SMC5: variants seen among roughly 807,000 people sequenced by gnomAD.
The protein encoded by SMC5 is structural maintenance of chromosomes protein 5.
A neutral mutation model predicts 148.3 loss-of-function variants in SMC5; 88 were observed. The ratio of observed to expected loss-of-function variants is 0.59; its 90% CI spans 0.50 to 0.71. The LOEUF (loss-of-function observed/expected upper bound fraction) is 0.71, where lower values mean the gene tolerates loss of function less well. Ranked by LOEUF, SMC5 falls within the 30% of genes least tolerant of loss-of-function variation. The pLI is 0.00. For synonymous variants in SMC5, 421 were observed against 432.8 expected, an observed-to-expected ratio of 0.97 and a Z score of 0.34; for missense variants, 1,142 against 1,298.9, an observed-to-expected ratio of 0.88 and a Z score of 1.86.
intron 15 of SMC5, among the ~76,000 whole-genome samples, chr9:70,320,086 T>A (rs985161675): frequency 5.3e-5 from 8 of 152,366 alleles, no homozygotes; most frequent in African/African-American, 1.2e-4. Context: ...GTCATTTTTT[T>A]AAATAAAAAT....
At position 70,314,808 on chromosome 9, in the gene SMC5, G is replaced by C. The variant is rs137909778; in HGVS notation, c.1645G>C (p.Ala549Pro). 1 of 1,568,018 alleles carries C rather than the reference G, an allele frequency of 6.4e-7. No individual in the cohort carries two copies. The highest frequency in any genetic ancestry group is 1.8e-5 in the Admixed American group (1 of 55,134). ...TCCCAAGAGTTCATATGCAGACAAA[G>C]CACCTTCAAGATCTTTGAATGAACT... The part of the protein sequence containing the change: ...IAPKSSYADK[A>P]PSRSLNELKQ... The change falls in exon 12 of 25, where the codon GCA (alanine) becomes CCA (proline). Residue 549 changes from alanine to proline, a missense_variant. Around this residue, in one of 5 missense-constraint regions of SMC5, gnomAD observed 743 missense variants for 835.7 expected, o/e 0.89. Transcript: ENST00000361138.
At chr9:70,334,130 T>G (rs1465170013) in intron 17 of SMC5, among the ~76,000 whole-genome samples, 5 of 102,080 alleles carry the variant, frequency 4.9e-5, no homozygotes, top group Admixed American at 2.6e-4. Flanking sequence ...GTTGTTGTTG[T>G]TTTTTTTTTT....
chr9:70,286,200 G>A lies in SMC5; in HGVS notation c.982G>A (p.Ala328Thr). Reference protein sequence around the residue: ...HNLEARIKEKATDIKEASQKC... With the variant: ...HNLEARIKEKTTDIKEASQKC... The stretch of plus-strand genomic sequence containing the variant: ...CCCTCTCCCCGGTTTAATTTTACAG[G>A]CAACAGATATTAAGGAGGCATCTCA... The change falls in exon 8 of 25, where the codon GCA becomes ACA. Residue 328 changes from alanine to threonine, a missense_variant and splice_region_variant. Physicochemically the swap from Ala to Thr is moderately conservative, Grantham distance 58. This residue lies in a region of SMC5 where 743 missense variants were observed against 835.7 expected (regional missense o/e 0.89). Transcript: ENST00000361138. The A allele has an allele frequency of 1.3e-6, 2 of 1,590,254 alleles. No individual in the cohort carries two copies. The highest frequency in any genetic ancestry group is 1.8e-5 in the Admixed American group (1 of 57,084).
In SMC5 at chr9:70,282,452, G is replaced by C; in HGVS notation, c.850G>C (p.Glu284Gln). ...TGAAAATGTTCGTCAGGAATATGAAGAAGTAAAACTAGTTCGTGACCGAGT... is the reference window on the plus strand; with the variant it reads ...TGAAAATGTTCGTCAGGAATATGAACAAGTAAAACTAGTTCGTGACCGAGT... ...EYENVRQEYE[E>Q]VKLVRDRVKE... The change falls in exon 7 of 25, where the codon GAA (glutamate) becomes CAA (glutamine). Residue 284 changes from glutamate (E) to glutamine (Q), a missense_variant. Physicochemically the swap from Glu to Gln is conservative, Grantham distance 29. Transcript: ENST00000361138. The C allele has an allele frequency of 6.2e-7, 1 of 1,601,392 alleles. No individual in the cohort carries two copies. The highest frequency in any genetic ancestry group is 1.1e-5 in the South Asian group (1 of 87,022).
In SMC5 at chr9:70,352,940, G is replaced by C. The variant is rs1376372362; in HGVS notation, c.*609G>C. ...TTATTGGTATTTCAAGGGGAAAAAA[G>C]CACTGGGGTTCAAAAATGGTAGCAG... On this transcript the variant is annotated 3_prime_UTR_variant, in exon 25 of 25. Coordinates refer to ENST00000361138, the MANE Select transcript of SMC5 (RefSeq NM_015110.4). 2 of 151,628 alleles carry C rather than the reference G, an allele frequency of 1.3e-5. No homozygotes were observed. Among genetic ancestry groups the C allele is most frequent in the African/African-American group, 4.9e-5 (2 of 41,230 alleles). The allele number at this position is 151,628 out of a possible 1,614,324, so 9.4% of individuals were successfully genotyped here. A position where few individuals can be genotyped will look rare whatever the true frequency, so the allele number is the denominator to read the frequency against.
chr9:70,299,495 T>G (rs915786579), intron 9 of SMC5, among the ~76,000 whole-genome samples: 1 of 152,064 alleles, frequency 6.6e-6, no homozygotes, highest in Non-Finnish European at 1.5e-5. Flanking sequence ...ATTTCTCTCG[T>G]GCCTTTTCTG....
intron 11 of SMC5, among the ~76,000 whole-genome samples, chr9:70,307,393 G>A (rs2035533074): frequency 6.6e-6 from 1 of 152,002 alleles, no homozygotes. Flanking sequence ...TTCCTTCTGT[G>A]TTTATTAGTT....
At chr9:70,337,373 A>G (rs1013581953) in intron 17 of SMC5, among the ~76,000 whole-genome samples, 1 of 151,914 alleles carries the variant, frequency 6.6e-6, no homozygotes, top group Admixed American at 6.5e-5. Flanking sequence ...ATGGACTGAG[A>G]TTAGTACAGG....
rs568946987 is a variant in SMC5 at position 70,323,555 on chromosome 9, A to G, written c.2223A>G (p.Glu741=). ...EERKASTKIK[E]INVQKAKLVT... Reference sequence around the variant, plus strand: ...GAAAAGCAAGTACCAAAATCAAAGAAATAAATGTTCAAAAAGCGAAACTTG... The same window carrying G: ...GAAAAGCAAGTACCAAAATCAAAGAGATAAATGTTCAAAAAGCGAAACTTG... The change falls in exon 16 of 25, where the codon GAA becomes GAG. Residue 741 remains glutamate, a synonymous_variant. Transcript: ENST00000361138. The G allele has an allele frequency of 6.2e-7, 1 of 1,613,002 alleles. No individual in the cohort carries two copies. Among genetic ancestry groups the G allele is most frequent in the Admixed American group, 1.7e-5 (1 of 59,952 alleles).
chr9:70,291,160 T>C (rs1287469268), intron 8 of SMC5, among the ~76,000 whole-genome samples: 1 of 152,214 alleles, frequency 6.6e-6, no homozygotes, highest in African/African-American at 2.4e-5. Flanking sequence ...CTTGGTCATA[T>C]GTGGCTATTG....
In SMC5 at chr9:70,344,125, A is replaced by G. The variant is rs775670913; in HGVS notation, c.2398-19A>G. 4.1e-6 allele frequency: 6 copies of G among 1,450,414 alleles called. No homozygotes were observed. The highest frequency in any genetic ancestry group is 9.2e-7 in the Non-Finnish European group (1 of 1,085,084). The allele number at this position is 1,450,414 out of a possible 1,614,324, so 89.8% of individuals were successfully genotyped here. A position where few individuals can be genotyped will look rare whatever the true frequency, so the allele number is the denominator to read the frequency against. ...TTTAACATTAACATTCAAATTTTCA[A>G]AATAAATTTTTTTAATAGCAACATT... On this transcript the variant is annotated intron_variant, in intron 17 of 24. Transcript: ENST00000361138.
intron 17 of SMC5, among the ~76,000 whole-genome samples, chr9:70,326,775 T>TCATTTGTTTCAAAAACAAA (rs1477999416): frequency 6.6e-6 from 1 of 152,026 alleles, no homozygotes; most frequent in Non-Finnish European, 1.5e-5. Flanking sequence ...CAAATGCATC[T>TCATTTGTTTCAAAAACAAA]AACTTTGTTT....
In SMC5 at chr9:70,259,185, C is replaced by T. The variant is rs367721215; in HGVS notation, c.107C>T (p.Ala36Val). 3.1e-6 allele frequency: 5 copies of T among 1,609,458 alleles called. No homozygotes were observed. In the African/African-American group the frequency reaches 4.0e-5, roughly 13 times the overall value. The change falls in exon 1 of 25, where the codon GCC becomes GTC. Residue 36 changes from alanine to valine, a missense_variant. Physicochemically the swap from Ala to Val is moderately conservative, Grantham distance 64. Around this residue, in one of 5 missense-constraint regions of SMC5, gnomAD observed 297 missense variants for 302.6 expected, o/e 0.98. Transcript: ENST00000361138. ...SEVPSKRKNSAPQLPLLQSSG... is the reference protein window; with the variant it reads ...SEVPSKRKNSVPQLPLLQSSG... Reference sequence around the variant, plus strand: ...GTCCCGAGCAAGAGGAAGAATTCGGCCCCGCAGCTGCCGCTGTTGCAGTCG... The same window carrying T: ...GTCCCGAGCAAGAGGAAGAATTCGGTCCCGCAGCTGCCGCTGTTGCAGTCG...
At chr9:70,346,848 A>G (rs1189037371) in intron 19 of SMC5, among the ~76,000 whole-genome samples, 199 bp downstream of exon 19, 1 of 152,186 alleles carries the variant, frequency 6.6e-6, no homozygotes, top group African/African-American at 2.4e-5. Flanking sequence ...CTCAACATCA[A>G]TACATTGCCT....
Position 70,347,629 on chromosome 9 carries a change from C to T in SMC5, c.2681C>T (p.Thr894Ile), listed in dbSNP as rs1236154542. ...GLNPTIVQEY[T>I]KREEEIEQLT... Reference sequence around the variant, plus strand: ...CCCTGCCAGATTGTTCAGGAATATACAAAAAGAGAAGAAGAAATAGAACAG... The same window carrying T: ...CCCTGCCAGATTGTTCAGGAATATATAAAAAGAGAAGAAGAAATAGAACAG... The change falls in exon 21 of 25, where the codon ACA becomes ATA. Residue 894 changes from threonine to isoleucine, a missense_variant. This residue lies in a region of SMC5 where 743 missense variants were observed against 835.7 expected (regional missense o/e 0.89). Coordinates refer to ENST00000361138, the MANE Select transcript of SMC5 (RefSeq NM_015110.4). 5.1e-6 allele frequency: 8 copies of T among 1,563,684 alleles called. No homozygotes were observed. The highest frequency in any genetic ancestry group is 6.9e-6 in the Non-Finnish European group (8 of 1,157,994).
chr9:70,274,903 A>C (rs1471665415), intron 3 of SMC5, among the ~76,000 whole-genome samples: 2 of 151,994 alleles, frequency 1.3e-5, no homozygotes, highest in Non-Finnish European at 2.9e-5. Context: ...AAAACTCCTC[A>C]AAACATTATT....
At chr9:70,267,297 C>T (rs1169544912) in intron 2 of SMC5, among the ~76,000 whole-genome samples, 1 of 152,068 alleles carries the variant, frequency 6.6e-6, no homozygotes, top group Non-Finnish European at 1.5e-5. Flanking sequence ...AAGATCCAGT[C>T]TGATTTTTTT....
chr9:70,283,498 A>G (rs2034811677), intron 7 of SMC5, among the ~76,000 whole-genome samples: 1 of 151,902 alleles, frequency 6.6e-6, no homozygotes, highest in Admixed American at 6.6e-5. Flanking sequence ...AAATTTAAAA[A>G]TAAATCAATA....
intron 8 of SMC5, among the ~76,000 whole-genome samples, chr9:70,297,301 C>T (rs117889869): frequency 6.6e-6 from 1 of 152,138 alleles, no homozygotes; most frequent in Admixed American, 6.5e-5. Context: ...TCTCAGCCAC[C>T]CATGTGGATG....
Sources: allele counts gnomAD v4.1 joint callset (sites outside exome capture counted in the v4.1 genomes callset), GRCh38; gene constraint gnomAD v4.1.1; regional missense constraint gnomAD v4.1.1; transcripts MANE v1.5; gene names NCBI Gene and HGNC (gene_info 2026-07-23, HGNC 2026-07-21).